INTS12: variants seen among roughly 807,000 people sequenced by gnomAD.
INTS12 encodes the protein PHD finger protein 22.
A neutral mutation model predicts 41.6 loss-of-function variants in INTS12; 13 were observed. That is an observed-to-expected ratio of 0.31 (90% CI 0.20 to 0.50). INTS12 has a LOEUF of 0.50. Ranked by LOEUF, INTS12 falls within the 20% of genes least tolerant of loss-of-function variation. INTS12 has a pLI of 0.98. For synonymous variants in INTS12, 199 were observed against 191.4 expected, an observed-to-expected ratio of 1.04 and a Z score of -0.33; for missense variants, 432 against 541.6, an observed-to-expected ratio of 0.80 and a Z score of 2.01.
In INTS12 at chr4:105,692,003, G is replaced by C; in HGVS notation, c.630C>G (p.Ala210=). 1 of 1,581,444 alleles carries C rather than the reference G, an allele frequency of 6.3e-7. No homozygotes were observed. Among genetic ancestry groups the C allele is most frequent in the Non-Finnish European group, 8.6e-7 (1 of 1,164,750 alleles). The change falls in exon 6 of 8, where the codon GCC becomes GCG. Residue 210 remains alanine, a synonymous_variant. Coordinates refer to ENST00000340139, the MANE Select transcript of INTS12 (RefSeq NM_020395.4). Reference sequence around the variant, plus strand: ...TTCTTTTCATTTGTCTGGTACATCGGGCACAATACCACACCAGGCGAGGGT... The same window carrying C: ...TTCTTTTCATTTGTCTGGTACATCGCGCACAATACCACACCAGGCGAGGGT... ...ANDPRLVWYC[A]RCTRQMKRMA...
chr4:105,692,202 G>A, intron 5 of INTS12, 67 bp from the exon 6 acceptor site: 1 of 1,455,210 alleles, frequency 6.9e-7, no homozygotes, highest in Non-Finnish European at 9.4e-7. Flanking sequence ...TTATTTCAGG[G>A]GCCAGGTGTG....
At chr4:105,699,337 A>G (rs574535930) in intron 3 of INTS12, among the ~76,000 whole-genome samples, 3 of 152,216 alleles carry the variant, frequency 2.0e-5, no homozygotes, top group African/African-American at 7.2e-5. Flanking sequence ...TGGTATCAAA[A>G]CATATATTCT....
chr4:105,699,945 G>T lies in INTS12; in HGVS notation c.61C>A (p.His21Asn). The change falls in exon 3 of 8, where the codon CAT (histidine) becomes AAT (asparagine). Residue 21 changes from histidine (H) to asparagine (N), a missense_variant. Physicochemically the swap from His to Asn is moderately conservative, Grantham distance 68. Coordinates refer to ENST00000340139, the MANE Select transcript of INTS12 (RefSeq NM_020395.4). ...TCAGCAGAATCTTTACTCTTTGAATGCAAGAAACCTAGTGCTTTCAAAAAA... is the reference window on the plus strand; with the variant it reads ...TCAGCAGAATCTTTACTCTTTGAATTCAAGAAACCTAGTGCTTTCAAAAAA... ...PIFLKALGFL[H>N]SKSKDSAEKL... 1 of 1,530,432 alleles carries T rather than the reference G, an allele frequency of 6.5e-7. No individual in the cohort carries two copies. The highest frequency in any genetic ancestry group is 1.3e-5 in the South Asian group (1 of 78,822). The allele number at this position is 1,530,432 out of a possible 1,614,324, so 94.8% of individuals were successfully genotyped here. A position where few individuals can be genotyped will look rare whatever the true frequency, so the allele number is the denominator to read the frequency against.
At chr4:105,688,488 C>A (rs1393954382) in intron 6 of INTS12, among the ~76,000 whole-genome samples, 1 of 152,212 alleles carries the variant, frequency 6.6e-6, no homozygotes, top group East Asian at 1.9e-4. Flanking sequence ...CTACCTTCAA[C>A]ATCACTTATA....
Position 105,703,705 on chromosome 4 carries a change from C to T in INTS12, c.-67G>A, listed in dbSNP as rs770812993. The T allele has an allele frequency of 6.6e-6, 1 of 152,206 alleles. No individual in the cohort carries two copies. The highest frequency in any genetic ancestry group is 2.4e-5 in the African/African-American group (1 of 41,428). The allele number at this position is 152,206 out of a possible 1,614,324, so 9.4% of individuals were successfully genotyped here. On this transcript the variant is annotated 5_prime_UTR_variant, in exon 2 of 8. Coordinates refer to ENST00000340139, the MANE Select transcript of INTS12 (RefSeq NM_020395.4). ...GCGTTCAGTACAACTTGGCAATTCT[C>T]TCATCCTTCTCTGGTCAACTCACTT...
rs1731755145 is a variant in INTS12, at chr4:105,693,408, T to C, written c.388A>G (p.Ile130Val). 1 of 1,613,946 alleles carries C rather than the reference T, an allele frequency of 6.2e-7. No individual in the cohort carries two copies. The highest frequency in any genetic ancestry group is 8.5e-7 in the Non-Finnish European group (1 of 1,179,852). ...LEKPETQSSP[I>V]TVQSSKDLPM... ...AAATCCTTGCTACTTTGGACAGTAA[T>C]GGGAGATGACTGTGTTTCTGGTTTC... Residue 130 changes from isoleucine (I) to valine (V), a missense_variant, in exon 5 of 8, where the codon ATT becomes GTT. By Grantham distance (29) the Ile-to-Val change is conservative. Transcript: ENST00000340139.
At chr4:105,700,583 C>T (rs537062080) in intron 2 of INTS12, among the ~76,000 whole-genome samples, 4 of 151,392 alleles carry the variant, frequency 2.6e-5, no homozygotes, top group South Asian at 4.2e-4. Flanking sequence ...CTGCCCCAAC[C>T]CTAAATGTCT....
chr4:105,705,150 A>G (rs201252780), intron 1 of INTS12, among the ~76,000 whole-genome samples: 1 of 152,178 alleles, frequency 6.6e-6, no homozygotes, highest in Non-Finnish European at 1.5e-5. Flanking sequence ...ATTTGTATTT[A>G]CAGCCACTCC....
At position 105,691,891 on chromosome 4, in the gene INTS12, T is replaced by C. The variant is rs1312203873; in HGVS notation, c.657+85A>G. The C allele has an allele frequency of 3.0e-6, 3 of 985,886 alleles. No homozygotes were observed. The East Asian group carries it at 8.6e-5, about 28-fold the overall frequency. The allele number at this position is 985,886 out of a possible 1,614,324, so 61.1% of individuals were successfully genotyped here. A position where few individuals can be genotyped will look rare whatever the true frequency, so the allele number is the denominator to read the frequency against. On this transcript the variant is annotated intron_variant, in intron 6 of 7. Coordinates refer to ENST00000340139, the MANE Select transcript of INTS12 (RefSeq NM_020395.4). ...TATATTATTTATTTTTTCAATATCT[T>C]AAATATTCAAATCTTTGTTTTGAAA... is the stretch of plus-strand genomic sequence containing the variant.
intron 3 of INTS12, among the ~76,000 whole-genome samples, 184 bp downstream of exon 3, chr4:105,699,666 T>A (rs978320211): frequency 6.6e-6 from 1 of 152,198 alleles, no homozygotes; most frequent in Non-Finnish European, 1.5e-5. Context: ...CCAGCTGATT[T>A]TTCTATGTGG....
At chr4:105,686,558 G>A (rs1440104516) in intron 7 of INTS12, 134 bp downstream of exon 7, 4 of 617,034 alleles carry the variant, frequency 6.5e-6, no homozygotes, top group Non-Finnish European at 1.1e-5. Flanking sequence ...TAATATAATA[G>A]TAGTAAAGTC....
chr4:105,702,845 G>T (rs937256367), intron 2 of INTS12: 8 of 958,324 alleles, frequency 8.3e-6, no homozygotes, highest in Non-Finnish European at 9.9e-6. Flanking sequence ...AACACTTATG[G>T]TTATGTGGTT....
rs779840192 is a variant in INTS12, at chr4:105,693,438, A to T, written c.358T>A (p.Leu120Met). ...GATGACTGTGTTTCTGGTTTCTCCA[A>T]TCTAGGTTTCTTTGGAATATCAACT... Reference protein sequence around the residue: ...EGVDIPKKPRLEKPETQSSPI... With the variant: ...EGVDIPKKPRMEKPETQSSPI... The change falls in exon 5 of 8, where the codon TTG becomes ATG. Residue 120 changes from leucine to methionine, a missense_variant. Transcript: ENST00000340139. 4.8e-5 allele frequency: 77 copies of T among 1,613,604 alleles called. No individual in the cohort carries two copies. The highest frequency in any genetic ancestry group is 6.4e-5 in the Non-Finnish European group (75 of 1,179,696).
At chr4:105,708,345 G>A in intron 1 of INTS12, 1 of 985,566 alleles carries the variant, frequency 1.0e-6, no homozygotes, top group Non-Finnish European at 1.2e-6. Flanking sequence ...GCTACGTAGA[G>A]AAGTCACTAA....
intron 3 of INTS12, among the ~76,000 whole-genome samples, chr4:105,698,127 C>A (rs1339202064): frequency 6.6e-6 from 1 of 152,220 alleles, no homozygotes; most frequent in East Asian, 1.9e-4. Flanking sequence ...CAGTATTAAA[C>A]TATTACCTAA....
At chr4:105,687,749 G>C (rs918414092) in intron 6 of INTS12, among the ~76,000 whole-genome samples, 1 of 152,106 alleles carries the variant, frequency 6.6e-6, no homozygotes, top group African/African-American at 2.4e-5. Flanking sequence ...TTTGCGAACA[G>C]CCAGAACAGC....
chr4:105,682,841 A>C lies in INTS12; in HGVS notation c.1281T>G (p.Ser427=), dbSNP rs1731361259. ...TTGGGCCTTTAAGGGATGCTGAGGG[A>C]GAGCTGCTGGATTCTGAAGTAGTTT... ...TSKTTSESSS[S]PSASLKGPTS... The change falls in exon 8 of 8, where the codon TCT becomes TCG. Residue 427 remains serine, a synonymous_variant. Coordinates refer to ENST00000340139, the MANE Select transcript of INTS12 (RefSeq NM_020395.4). 1 of 1,613,988 alleles carries C rather than the reference A, an allele frequency of 6.2e-7. No homozygotes were observed.
At chr4:105,687,870 T>C (rs1160696982) in intron 6 of INTS12, among the ~76,000 whole-genome samples, 4 of 152,096 alleles carry the variant, frequency 2.6e-5, no homozygotes, top group African/African-American at 4.8e-5. Context: ...GGAGAATTGC[T>C]TGAACCCATT....
chr4:105,684,000 C>T (rs749665785), intron 7 of INTS12, among the ~76,000 whole-genome samples: 2 of 152,090 alleles, frequency 1.3e-5, no homozygotes, highest in Non-Finnish European at 2.9e-5. Context: ...CCCATGATTC[C>T]GGTTAAACTA....
Sources: allele counts gnomAD v4.1 joint callset (sites outside exome capture counted in the v4.1 genomes callset), GRCh38; gene constraint gnomAD v4.1.1; transcripts MANE v1.5; gene names NCBI Gene and HGNC (gene_info 2026-07-23, HGNC 2026-07-21).